The following RBM47 variants were observed in gnomAD, a reference collection of about 807,000 sequenced individuals.
RBM47 encodes the protein RNA binding motif protein 47, also known as RNA-binding protein 47.
In RBM47, 21 loss-of-function variants were observed where a neutral mutation model predicts 47.1. The observed-to-expected ratio is 0.45, with a 90% CI of 0.32 to 0.64. The LOEUF is 0.64. Among genes scored for constraint, RBM47 ranks in the 30% least tolerant of loss-of-function variants. RBM47 has a pLI of 0.05. For missense variants in RBM47, 708 were observed against 870.9 expected, an observed-to-expected ratio of 0.81 and a Z score of 2.35; for synonymous variants, 375 against 361.7, an observed-to-expected ratio of 1.04 and a Z score of -0.42.
In RBM47 at chr4:40,549,229, C is replaced by T. The variant is rs539821531; in HGVS notation, c.-239-4723G>A. Among the ~76,000 whole-genome samples, 148 of 150,962 alleles carry T rather than the reference C, an allele frequency of 9.8e-4. 1 individual carries two copies. The highest frequency in any genetic ancestry group is 3.5e-3 in the African/African-American group (143 of 41,130). On this transcript the variant is annotated intron_variant, in intron 1 of 6. Coordinates refer to ENST00000295971, the MANE Select transcript of RBM47 (RefSeq NM_001098634.2). ...GCCTCAGCCTCCCGAATAGCTGGAA[C>T]TACAGGCACGCACCACCGTGCCCAG...
intron 1 of RBM47, among the ~76,000 whole-genome samples, chr4:40,570,838 A>T (rs1257837613): frequency 6.7e-6 from 1 of 148,664 alleles, no homozygotes; most frequent in East Asian, 2.0e-4. Context: ...GGTAAATGCT[A>T]AAGTTATATT....
chr4:40,588,783 T>G (rs1226089313), intron 1 of RBM47, among the ~76,000 whole-genome samples: 1 of 152,038 alleles, frequency 6.6e-6, no homozygotes. Flanking sequence ...GGGAGGAGAC[T>G]GCATCATTAG....
At chr4:40,542,705 A>G (rs1438390703) in intron 2 of RBM47, 3 of 151,944 alleles carry the variant, frequency 2.0e-5, no homozygotes, top group Non-Finnish European at 4.4e-5. Context: ...TGGGATGACA[A>G]TTTTTAAATT....
At position 40,506,228 on chromosome 4, in the gene RBM47, C is replaced by T. The variant is rs145192870; in HGVS notation, c.-155+38194G>A. ...GGTTTGCATTTGTGATTGACAGCAA[C>T]GGTGCTTACTTAAACAATGGCTAAT... is the stretch of plus-strand genomic sequence containing the variant. On this transcript the variant is annotated intron_variant, in intron 2 of 6. Coordinates refer to ENST00000295971, the MANE Select transcript of RBM47 (RefSeq NM_001098634.2). Among the ~76,000 whole-genome samples, 18 of 152,292 alleles carry T rather than the reference C, an allele frequency of 1.2e-4. No homozygotes were observed. In the East Asian group the frequency reaches 1.5e-3, roughly 13 times the overall value.
chr4:40,441,990 A>AT (rs1420545016), intron 3 of RBM47, among the ~76,000 whole-genome samples: 11 of 152,074 alleles, frequency 7.2e-5, no homozygotes, highest in South Asian at 2.1e-4. Flanking sequence ...TTCACGATTG[A>AT]TTTTTTTCAC....
At chr4:40,504,047 T>C (rs939853228) in intron 2 of RBM47, among the ~76,000 whole-genome samples, 2 of 152,096 alleles carry the variant, frequency 1.3e-5, no homozygotes, top group Non-Finnish European at 2.9e-5. Flanking sequence ...AAGGAAATGG[T>C]ATACCCTCTC....
At chr4:40,602,804 T>C (rs1735405822) in intron 1 of RBM47, among the ~76,000 whole-genome samples, 1 of 152,176 alleles carries the variant, frequency 6.6e-6, no homozygotes, top group African/African-American at 2.4e-5. Context: ...GGAAAAGTTT[T>C]TATTTTTGCA....
intron 2 of RBM47, among the ~76,000 whole-genome samples, chr4:40,510,370 T>C (rs942141006): frequency 5.3e-5 from 8 of 152,136 alleles, no homozygotes; most frequent in African/African-American, 1.4e-4. Context: ...ATTTGTTTCC[T>C]TTCATTCATT....
chr4:40,426,796 G>C (rs1715123221), intron 6 of RBM47: 1 of 152,236 alleles, frequency 6.6e-6, no homozygotes, highest in Admixed American at 6.5e-5. Context: ...AGCCACGGTT[G>C]GTTGAATCCA....
intron 2 of RBM47, among the ~76,000 whole-genome samples, chr4:40,522,504 C>CAAACA (rs542594625): frequency 2.7e-4 from 41 of 152,222 alleles, no homozygotes; most frequent in African/African-American, 5.1e-4. Context: ...GACTCCATCT[C>CAAACA]AAACAAAACA....
intron 3 of RBM47, among the ~76,000 whole-genome samples, chr4:40,466,175 C>T (rs758171646): frequency 3.5e-5 from 5 of 141,086 alleles, no homozygotes; most frequent in African/African-American, 1.1e-4. Context: ...GGCTGAGTCA[C>T]GAGAATTGCT....
chr4:40,507,379 A>T (rs1724255113), intron 2 of RBM47, among the ~76,000 whole-genome samples: 1 of 152,230 alleles, frequency 6.6e-6, no homozygotes, highest in South Asian at 2.1e-4. Flanking sequence ...CCTTATGTAT[A>T]CACACTAAAA....
intron 1 of RBM47, among the ~76,000 whole-genome samples, chr4:40,573,836 A>AAAGAAAGAAAGAAAGAAAGAAAGAAAGG (rs1268369563): frequency 7.1e-5 from 5 of 70,274 alleles, no homozygotes; most frequent in Non-Finnish European, 9.8e-5. Flanking sequence ...AGAAAGAAAG[A>AAAGAAAGAAAGAAAGAAAGAAAGAAAGG]GAAAGAAAGA....
chr4:40,434,002 G>GTGT (rs1711831434), intron 5 of RBM47, among the ~76,000 whole-genome samples: 1 of 45,632 alleles, frequency 2.2e-5, no homozygotes, highest in African/African-American at 5.2e-5. Flanking sequence ...GTGGGGCGGG[G>GTGT]GTGTGTGTGT....
At chr4:40,447,057 G>A (rs999784388) in intron 3 of RBM47, among the ~76,000 whole-genome samples, 1 of 152,128 alleles carries the variant, frequency 6.6e-6, no homozygotes, top group African/African-American at 2.4e-5. Flanking sequence ...CTTTGCAGAA[G>A]CTCTCCCAGA....
chr4:40,431,038 C>G (rs7672178), intron 6 of RBM47, among the ~76,000 whole-genome samples: 14,268 of 152,090 alleles, frequency 0.094, 710 homozygotes, highest in South Asian at 0.19. Flanking sequence ...GAGCCATGCA[C>G]TCCAGCCTGG....
intron 1 of RBM47, among the ~76,000 whole-genome samples, chr4:40,558,177 C>A (rs1730274244): frequency 6.6e-6 from 1 of 152,130 alleles, no homozygotes; most frequent in Non-Finnish European, 1.5e-5. Flanking sequence ...ATAAGTGACT[C>A]ACAGTTTGTA....
At chr4:40,436,722 T>A in intron 4 of RBM47, 75 bp from the exon 5 acceptor site, 1 of 1,460,520 alleles carries the variant, frequency 6.8e-7, no homozygotes, top group Non-Finnish European at 9.5e-7. Flanking sequence ...CCCTCGGTTC[T>A]CGGCATTTAA....
chr4:40,626,466 T>C (rs1289351562), intron 1 of RBM47, among the ~76,000 whole-genome samples: 1 of 152,242 alleles, frequency 6.6e-6, no homozygotes, highest in Non-Finnish European at 1.5e-5. Flanking sequence ...TTACCTGCAA[T>C]CCTTTGAGGG....
Sources: gnomAD v4.1 joint callset for allele counts (sites outside exome capture counted in the v4.1 genomes callset) on GRCh38, gnomAD v4.1.1 for gene constraint, MANE v1.5 for transcripts, NCBI Gene and HGNC (gene_info 2026-07-23, HGNC 2026-07-21) for gene names.